The following SKAP1 variants were observed in gnomAD, a reference collection of about 807,000 sequenced individuals.
SKAP1 encodes src kinase-associated phosphoprotein 1.
In SKAP1, 44 loss-of-function variants were observed where a neutral mutation model predicts 58.5. That is an observed-to-expected ratio of 0.75 (90% CI 0.59 to 0.97). The LOEUF (loss-of-function observed/expected upper bound fraction) is 0.97, where lower values mean the gene tolerates loss of function less well. Ranked by LOEUF, SKAP1 falls within the 50% of genes least tolerant of loss-of-function variation. The pLI, the probability that SKAP1 is intolerant of heterozygous loss-of-function variation, is 0.00. For missense variants in SKAP1, 390 were observed against 435.2 expected, an observed-to-expected ratio of 0.90 and a Z score of 0.92; for synonymous variants, 127 against 149.7, an observed-to-expected ratio of 0.85 and a Z score of 1.11.
chr17:48,444,120 C>A, the SKAP1 span, among the ~76,000 whole-genome samples: 6 of 98,996 alleles, frequency 6.1e-5, no homozygotes, highest in African/African-American at 1.6e-4. Flanking sequence ...CGAGGCCGGG[C>A]GCAGTGACTC....
intron 10 of SKAP1, among the ~76,000 whole-genome samples, chr17:48,168,560 G>A (rs1284181952): frequency 1.3e-5 from 2 of 152,222 alleles, no homozygotes; most frequent in African/African-American, 4.8e-5. Context: ...GGGAAGCTGA[G>A]GCAGAAGAAT....
intron 6 of SKAP1, 32 bp from the exon 7 acceptor site, chr17:48,184,879 G>C: frequency 1.3e-6 from 2 of 1,597,068 alleles, no homozygotes; most frequent in South Asian, 1.1e-5. Flanking sequence ...TGTATCCCTA[G>C]AGAGATGCAA....
At chr17:48,244,664 A>C (rs1240636707) in intron 4 of SKAP1, among the ~76,000 whole-genome samples, 1 of 152,220 alleles carries the variant, frequency 6.6e-6, no homozygotes, top group Non-Finnish European at 1.5e-5. Context: ...ACACAGTTAT[A>C]ATATTCCAAA....
intron 4 of SKAP1, among the ~76,000 whole-genome samples, chr17:48,244,121 G>A (rs1034140611): frequency 6.6e-6 from 1 of 152,192 alleles, no homozygotes; most frequent in Non-Finnish European, 1.5e-5. Flanking sequence ...GCCTGATAAT[G>A]ACCAGAGCTA....
intron 3 of SKAP1, among the ~76,000 whole-genome samples, chr17:48,352,409 A>G (rs901399348): frequency 1.3e-5 from 2 of 152,202 alleles, no homozygotes; most frequent in African/African-American, 4.8e-5. Flanking sequence ...TTCAAAATAT[A>G]TAAACCTAGG....
At chr17:48,168,133 G>T (rs956727793) in intron 10 of SKAP1, among the ~76,000 whole-genome samples, 1 of 151,704 alleles carries the variant, frequency 6.6e-6, no homozygotes, top group African/African-American at 2.4e-5. Flanking sequence ...CAATAAGGAT[G>T]AACCGAATCC....
At chr17:48,367,531 T>C (rs1335214835) in intron 2 of SKAP1, among the ~76,000 whole-genome samples, 2 of 123,430 alleles carry the variant, frequency 1.6e-5, no homozygotes, top group Admixed American at 8.6e-5. Flanking sequence ...TATATGTATG[T>C]GTGTGTATAT....
rs141767373 is a variant in SKAP1 at position 48,287,279 on chromosome 17, C to G, written c.280+58626G>C. Among the ~76,000 whole-genome samples, 78 of 152,064 alleles carry G rather than the reference C, an allele frequency of 5.1e-4. 1 individual carries two copies. Among genetic ancestry groups the G allele is most frequent in the African/African-American group, 1.3e-3 (56 of 41,508 alleles). ...CTATAGTCAGCAACATCCCTCAAAC[C>G]TACAAAATTCACAATAATAATAGAA... On this transcript the variant is annotated intron_variant, in intron 4 of 12. Coordinates refer to ENST00000336915, the MANE Select transcript of SKAP1 (RefSeq NM_003726.4).
chr17:48,305,137 G>C (rs373021695), intron 4 of SKAP1, among the ~76,000 whole-genome samples: 1 of 152,216 alleles, frequency 6.6e-6, no homozygotes, highest in East Asian at 1.9e-4. Flanking sequence ...AAATTATATG[G>C]AATTCAAGTG....
intron 4 of SKAP1, among the ~76,000 whole-genome samples, chr17:48,191,006 A>C (rs2064537026): frequency 1.3e-5 from 2 of 152,206 alleles, no homozygotes; most frequent in East Asian, 3.9e-4. Context: ...AACAAAAAAA[A>C]GTATGCGAAA....
rs374883940 is a variant in SKAP1 at position 48,291,556 on chromosome 17, C to T, written c.280+54349G>A. Among the ~76,000 whole-genome samples, 9 of 152,296 alleles carry T rather than the reference C, an allele frequency of 5.9e-5. No homozygotes were observed. The East Asian group carries it at 1.2e-3, about 20-fold the overall frequency. On this transcript the variant is annotated intron_variant, in intron 4 of 12. Coordinates refer to ENST00000336915, the MANE Select transcript of SKAP1 (RefSeq NM_003726.4). ...AAGATGAGTGAGCAGGATGCAAGAA[C>T]ATCTTAAAGATCACCTGCCACACTT...
At chr17:48,331,296 G>A (rs1248942460) in intron 4 of SKAP1, among the ~76,000 whole-genome samples, 1 of 152,224 alleles carries the variant, frequency 6.6e-6, no homozygotes, top group Admixed American at 6.5e-5. Flanking sequence ...GTTTAATTTG[G>A]CAGAATATAT....
At chr17:48,287,756 C>T (rs1047032112) in intron 4 of SKAP1, among the ~76,000 whole-genome samples, 2 of 152,122 alleles carry the variant, frequency 1.3e-5, no homozygotes, top group African/African-American at 4.8e-5. Flanking sequence ...AGTCAAATAC[C>T]CGTCAGCTGT....
At chr17:48,433,466 A>G (rs1323323659), upstream of SKAP1, among the ~76,000 whole-genome samples, 1 of 152,174 alleles carries the variant, frequency 6.6e-6, no homozygotes, top group African/African-American at 2.4e-5. Context: ...AGAACAGAAT[A>G]CACAAATCTC....
chr17:48,167,851 G>T (rs2064160081), intron 10 of SKAP1, among the ~76,000 whole-genome samples: 1 of 151,994 alleles, frequency 6.6e-6, no homozygotes, highest in Non-Finnish European at 1.5e-5. Flanking sequence ...TTTTATTTTT[G>T]GTTACCTGGA....
intron 1 of SKAP1, among the ~76,000 whole-genome samples, chr17:48,398,592 T>C (rs772092221): frequency 3.3e-5 from 5 of 152,048 alleles, no homozygotes. Context: ...GCCAAAAAGG[T>C]TGGGGACCCC....
intron 4 of SKAP1, among the ~76,000 whole-genome samples, chr17:48,256,476 A>G (rs1269273349): frequency 6.6e-6 from 1 of 152,154 alleles, no homozygotes; most frequent in African/African-American, 2.4e-5. Context: ...CCCGAAGAGC[A>G]AATGTTCCTT....
chr17:48,286,724 G>C (rs1405077307), intron 4 of SKAP1, among the ~76,000 whole-genome samples: 4 of 152,200 alleles, frequency 2.6e-5, no homozygotes, highest in African/African-American at 7.2e-5. Context: ...AAGAGCAAGA[G>C]TTCTTTTGGC....
At chr17:48,156,360 G>T in intron 11 of SKAP1, 1 of 259,338 alleles carries the variant, frequency 3.9e-6, no homozygotes. Context: ...TGCGGTGGTC[G>T]CCGGCATCGT....
Sources: gnomAD v4.1 joint callset for allele counts (sites outside exome capture counted in the v4.1 genomes callset) on GRCh38, gnomAD v4.1.1 for gene constraint, MANE v1.5 for transcripts, NCBI Gene and HGNC (gene_info 2026-07-23, HGNC 2026-07-21) for gene names.